The following RGS7 variants were observed in gnomAD, a reference collection of about 807,000 sequenced individuals.
RGS7 encodes regulator of G-protein signaling 7.
RGS7 carries 27 observed loss-of-function variants against 81.1 expected under a neutral mutation model. The observed-to-expected ratio is 0.33, with a 90% CI of 0.25 to 0.46. RGS7 has a LOEUF of 0.46. Among genes scored for constraint, RGS7 ranks in the 20% least tolerant of loss-of-function variants. The pLI is 1.00. For missense variants in RGS7, 396 were observed against 607.4 expected, an observed-to-expected ratio of 0.65 and a Z score of 3.66; for synonymous variants, 208 against 207.7, an observed-to-expected ratio of 1.00 and a Z score of -0.01.
At chr1:241,052,971 T>A (rs2061327381) in intron 3 of RGS7, among the ~76,000 whole-genome samples, 1 of 152,090 alleles carries the variant, frequency 6.6e-6, no homozygotes, top group Non-Finnish European at 1.5e-5. Flanking sequence ...TTGACTAAGT[T>A]CTGGGTGCTT....
intron 10 of RGS7, among the ~76,000 whole-genome samples, chr1:240,825,020 TAACAA>T (rs1692549964): frequency 6.6e-6 from 1 of 152,166 alleles, no homozygotes; most frequent in South Asian, 2.1e-4. Flanking sequence ...AACTATGAGG[TAACAA>T]ATTCCTACTG....
intron 15 of RGS7, 99 bp from the exon 16 acceptor site, chr1:240,803,092 C>T (rs541972826): frequency 1.5e-5 from 12 of 803,070 alleles, no homozygotes; most frequent in African/African-American, 8.5e-5. Flanking sequence ...CTAGTAGCAG[C>T]GAAAAATAGT....
intron 3 of RGS7, among the ~76,000 whole-genome samples, chr1:241,086,408 C>A (rs1302842890): frequency 6.6e-6 from 1 of 152,100 alleles, no homozygotes; most frequent in East Asian, 1.9e-4. Flanking sequence ...GCCCCCCTCA[C>A]TTCCCGCACC....
chr1:240,868,126 G>GAA lies in RGS7; in HGVS notation c.609+459_609+460dup. Among the ~76,000 whole-genome samples, 2 of 105,612 alleles carry GAA rather than the reference G, an allele frequency of 1.9e-5. No homozygotes were observed. Among genetic ancestry groups the GAA allele is most frequent in the African/African-American group, 1.3e-4 (2 of 15,966 alleles). The allele number at this position is 105,612 out of a possible 152,430, so 69.3% of individuals were successfully genotyped here. A position where few individuals can be genotyped will look rare whatever the true frequency, so the allele number is the denominator to read the frequency against. On this transcript the variant is annotated intron_variant, in intron 9 of 18. Transcript: ENST00000440928. The surrounding 1 kb of genome is among the most constrained non-coding windows in gnomAD (Gnocchi z 5.1). ...AAGAAAGAAAAGAAAAGGAAAGAAA[G>GAA]AAAGAAAGAAAGAAAGAAAGAAAGA...
intron 2 of RGS7, among the ~76,000 whole-genome samples, chr1:241,323,291 G>A (rs1340120094): frequency 1.3e-5 from 2 of 152,200 alleles, no homozygotes; most frequent in Admixed American, 1.3e-4. Flanking sequence ...AATGAATGTT[G>A]TGACAATTTT....
chr1:240,777,156 G>A (rs564962753), intron 18 of RGS7, among the ~76,000 whole-genome samples: 84 of 152,180 alleles, frequency 5.5e-4, no homozygotes, highest in South Asian at 8.3e-4. Context: ...TAAGCCAGGC[G>A]TGGTGGCGGG....
intron 2 of RGS7, among the ~76,000 whole-genome samples, chr1:241,337,592 C>A (rs1233986993): frequency 7.9e-5 from 12 of 152,104 alleles, no homozygotes; most frequent in Admixed American, 7.9e-4. Context: ...ATACCACGCT[C>A]TTCCTCTTGG....
At chr1:240,875,697 G>A (rs1021789572) in intron 6 of RGS7, among the ~76,000 whole-genome samples, 1 of 152,176 alleles carries the variant, frequency 6.6e-6, no homozygotes, top group African/African-American at 2.4e-5. Context: ...CCCAACGCTT[G>A]TTACCTTTCA....
intron 18 of RGS7, among the ~76,000 whole-genome samples, chr1:240,790,448 A>G (rs1685800697): frequency 6.6e-6 from 1 of 152,180 alleles, no homozygotes; most frequent in Non-Finnish European, 1.5e-5. Context: ...GGCACAAGCC[A>G]CTGTGCCCAG....
intron 3 of RGS7, among the ~76,000 whole-genome samples, chr1:241,045,989 T>C (rs2060904651): frequency 6.7e-6 from 1 of 149,460 alleles, no homozygotes; most frequent in Non-Finnish European, 1.5e-5. Flanking sequence ...CTATGGAAAG[T>C]ACCTTTGGCA....
At chr1:241,126,809 A>ATTTTTTT (rs55818497) in intron 2 of RGS7, among the ~76,000 whole-genome samples, 1 of 145,520 alleles carries the variant, frequency 6.9e-6, no homozygotes, top group African/African-American at 2.5e-5. Flanking sequence ...CCTTAAGTTG[A>ATTTTTTT]TTTTTTTTTT....
intron 2 of RGS7, among the ~76,000 whole-genome samples, chr1:241,306,654 ACAAATACATGTC>A (rs1274552207): frequency 7.1e-6 from 1 of 140,646 alleles, no homozygotes; most frequent in Non-Finnish European, 1.6e-5. Flanking sequence ...CCTTTCACAC[ACAAATACATGTC>A]CACCCAACAC....
intron 2 of RGS7, among the ~76,000 whole-genome samples, chr1:241,126,145 T>TTTATTA (rs562582758): frequency 1.3e-5 from 2 of 151,012 alleles, no homozygotes; most frequent in African/African-American, 4.9e-5. Context: ...TATTTATTTA[T>TTTATTA]TTATTATTAT....
chr1:241,128,252 G>A lies in RGS7; in HGVS notation c.79-29490C>T, dbSNP rs1324973223. ...AGATTGCGCCACTGCACTCCAGCCT[G>A]GGCCACAGAGCAAGACTCCGTCTCA... On this transcript the variant is annotated intron_variant, in intron 2 of 18. Coordinates refer to ENST00000440928, the MANE Select transcript of RGS7 (RefSeq NM_001364886.1). 4.7e-5 allele frequency among the ~76,000 whole-genome samples: 7 copies of A among 150,096 alleles called. No homozygotes were observed. The East Asian group carries it at 1.4e-3, about 29-fold the overall frequency.
At chr1:241,233,541 T>A (rs2075775513) in intron 2 of RGS7, among the ~76,000 whole-genome samples, 1 of 152,232 alleles carries the variant, frequency 6.6e-6, no homozygotes, top group Non-Finnish European at 1.5e-5. Flanking sequence ...TCTAGTTCTA[T>A]CCAAGTTGCT....
intron 4 of RGS7, among the ~76,000 whole-genome samples, chr1:240,981,244 G>A (rs541112149): frequency 6.6e-6 from 1 of 152,094 alleles, no homozygotes; most frequent in Non-Finnish European, 1.5e-5. Flanking sequence ...CAAGTAACTG[G>A]GACTACATGT....
intron 6 of RGS7, among the ~76,000 whole-genome samples, chr1:240,921,149 T>G (rs971683253): frequency 2.0e-5 from 3 of 152,098 alleles, no homozygotes; most frequent in African/African-American, 7.2e-5. Flanking sequence ...GACCTGAAGT[T>G]CACCATTAAA....
At chr1:241,126,831 G>T (rs1291534873) in intron 2 of RGS7, among the ~76,000 whole-genome samples, 1 of 150,340 alleles carries the variant, frequency 6.7e-6, no homozygotes, top group African/African-American at 2.5e-5. Context: ...TTTGGTCTAG[G>T]TGACAGCATT....
intron 1 of RGS7, 40 bp from the exon 2 acceptor site, chr1:241,355,866 G>T (rs2083527949): frequency 9.6e-7 from 1 of 1,039,276 alleles, no homozygotes; most frequent in Non-Finnish European, 1.5e-6. Flanking sequence ...ATCCCAGTGG[G>T]ACTCCCCTGA....
Sources: gnomAD v4.1 joint callset for allele counts (sites outside exome capture counted in the v4.1 genomes callset) on GRCh38, gnomAD v4.1.1 for gene constraint, Gnocchi (gnomAD v3.1) non-coding constraint, MANE v1.5 for transcripts, NCBI Gene and HGNC (gene_info 2026-07-23, HGNC 2026-07-21) for gene names.